The following ARL6IP5 variants were observed in gnomAD, a reference collection of about 807,000 sequenced individuals.
The protein encoded by ARL6IP5 is PRA1 family protein 3.
In ARL6IP5, 6 loss-of-function variants were observed where a neutral mutation model predicts 13.0. The ratio of observed to expected loss-of-function variants is 0.46; its 90% confidence interval spans 0.25 to 0.91. The LOEUF (loss-of-function observed/expected upper bound fraction) is 0.91, where lower values mean the gene tolerates loss of function less well. Among genes scored for constraint, ARL6IP5 ranks in the 40% least tolerant of loss-of-function variants. The pLI is 0.17. For missense variants in ARL6IP5, 208 were observed against 248.8 expected, an observed-to-expected ratio of 0.84 and a Z score of 1.10; for synonymous variants, 91 against 91.9, an observed-to-expected ratio of 0.99 and a Z score of 0.06.
At chr3:69,086,414 TCA>T (rs1196304328) in intron 1 of ARL6IP5, among the ~76,000 whole-genome samples, 3 of 152,206 alleles carry the variant, frequency 2.0e-5, no homozygotes, top group Non-Finnish European at 2.9e-5. Flanking sequence ...GGGGGAGACT[TCA>T]CAGTTTCCGA....
Position 69,104,715 on chromosome 3 carries a change from T to A in ARL6IP5, c.*79T>A. 2.0e-6 allele frequency: 3 copies of A among 1,506,818 alleles called. No homozygotes were observed. Among genetic ancestry groups the A allele is most frequent in the Non-Finnish European group, 2.7e-6 (3 of 1,098,788 alleles). 93.3% of individuals were successfully genotyped at this position (1,506,818 alleles called of 1,614,324 possible). On this transcript the variant is annotated 3_prime_UTR_variant, in exon 3 of 3. Coordinates refer to ENST00000273258, the MANE Select transcript of ARL6IP5 (RefSeq NM_006407.4). ...TGTCCAGACCTATGTTCTGCTTGCGTTTTTGAAACAGGAGGTGCACGTACC... is the reference window on the plus strand; with the variant it reads ...TGTCCAGACCTATGTTCTGCTTGCGATTTTGAAACAGGAGGTGCACGTACC...
At chr3:69,090,059 T>C (rs2092260277) in intron 1 of ARL6IP5, 2 of 275,836 alleles carry the variant, frequency 7.3e-6, no homozygotes, top group East Asian at 1.9e-4. Context: ...TAATATGTTC[T>C]AGGCCTGTGG....
intron 1 of ARL6IP5, among the ~76,000 whole-genome samples, chr3:69,100,405 A>G (rs1414063341): frequency 2.6e-5 from 4 of 152,186 alleles, no homozygotes; most frequent in Admixed American, 6.5e-5. Flanking sequence ...TGAACTCTCT[A>G]TGTGAGGAGT....
At position 69,104,520 on chromosome 3, in the gene ARL6IP5, A is replaced by G; in HGVS notation, c.451A>G (p.Lys151Glu). 2.5e-6 allele frequency: 4 copies of G among 1,614,096 alleles called. No individual in the cohort carries two copies. Among genetic ancestry groups the G allele is most frequent in the Non-Finnish European group, 8.5e-7 (1 of 1,179,958 alleles). The change falls in exon 3 of 3, where the codon AAA becomes GAA. Residue 151 changes from lysine to glutamate, a missense_variant. By Grantham distance (56) the Lys-to-Glu change is moderately conservative (BLOSUM62 1). Coordinates refer to ENST00000273258, the MANE Select transcript of ARL6IP5 (RefSeq NM_006407.4). ...LRNLKNKLEN[K>E]MEGIGLKRTP... ...GAACCTCAAGAACAAACTGGAGAAT[A>G]AAATGGAAGGAATAGGTTTGAAGAG...
At chr3:69,088,098 G>T (rs2107510187) in intron 1 of ARL6IP5, among the ~76,000 whole-genome samples, 1 of 152,226 alleles carries the variant, frequency 6.6e-6, no homozygotes, top group Admixed American at 6.5e-5. Flanking sequence ...GAGGTTAAAT[G>T]ATTTACTCAA....
At chr3:69,089,448 C>T (rs771602451) in intron 1 of ARL6IP5, among the ~76,000 whole-genome samples, 2 of 152,022 alleles carry the variant, frequency 1.3e-5, no homozygotes, top group Non-Finnish European at 2.9e-5. Context: ...TCTTGATTAA[C>T]CAAATTCAAC....
chr3:69,089,758 A>G, intron 1 of ARL6IP5: 1 of 455,682 alleles, frequency 2.2e-6, no homozygotes, highest in Non-Finnish European at 4.4e-6. Flanking sequence ...CTGCTTCTCC[A>G]GCAAGAGAGC....
At position 69,104,699 on chromosome 3, in the gene ARL6IP5, C is replaced by G. The variant is rs1425163661; in HGVS notation, c.*63C>G. The G allele has an allele frequency of 2.5e-6, 4 of 1,573,002 alleles. No homozygotes were observed. Among genetic ancestry groups the G allele is most frequent in the Admixed American group, 1.8e-5 (1 of 56,572 alleles). ...AGTTGCAGCTTGCCCTTGTCCAGAC[C>G]TATGTTCTGCTTGCGTTTTTGAAAC... On this transcript the variant is annotated 3_prime_UTR_variant, in exon 3 of 3. Coordinates refer to ENST00000273258, the MANE Select transcript of ARL6IP5 (RefSeq NM_006407.4).
At position 69,104,522 on chromosome 3, in the gene ARL6IP5, A is replaced by G; in HGVS notation, c.453A>G (p.Lys151=). 6.2e-7 allele frequency: 1 copy of G among 1,614,086 alleles called. No individual in the cohort carries two copies. Among genetic ancestry groups the G allele is most frequent in the Non-Finnish European group, 8.5e-7 (1 of 1,179,954 alleles). Residue 151 remains lysine (K), a synonymous_variant, in exon 3 of 3, where the codon AAA becomes AAG. Coordinates refer to ENST00000273258, the MANE Select transcript of ARL6IP5 (RefSeq NM_006407.4). ...ACCTCAAGAACAAACTGGAGAATAA[A>G]ATGGAAGGAATAGGTTTGAAGAGGA... ...LRNLKNKLEN[K]MEGIGLKRTP... is the part of the protein sequence containing the mutation.
At chr3:69,103,752 G>A (rs1011963394) in intron 2 of ARL6IP5, among the ~76,000 whole-genome samples, 2 of 152,150 alleles carry the variant, frequency 1.3e-5, no homozygotes, top group Admixed American at 6.5e-5. Context: ...GGCTCTCCAG[G>A]TGATTTGAAT....
chr3:69,095,441 C>T (rs900907894), intron 1 of ARL6IP5, among the ~76,000 whole-genome samples: 6 of 150,780 alleles, frequency 4.0e-5, no homozygotes, highest in African/African-American at 1.2e-4. Flanking sequence ...AAAAACATAA[C>T]GGTTTTTGAG....
rs750884164 is a variant in ARL6IP5 at position 69,101,959 on chromosome 3, G to A, written c.297G>A (p.Thr99=). Residue 99 remains threonine, a synonymous_variant, in exon 2 of 3, where the codon ACG becomes ACA. Transcript: ENST00000273258. Reference sequence around the variant, plus strand: ...GCCGGATGAAGAAGCGCTACCCCACGACGTTCGTTATGGTGGTCATGTTGG... The same window carrying A: ...GCCGGATGAAGAAGCGCTACCCCACAACGTTCGTTATGGTGGTCATGTTGG... The part of the protein sequence containing the change: ...VLRRMKKRYP[T]TFVMVVMLAS... 2.8e-5 allele frequency: 45 copies of A among 1,613,930 alleles called. No individual in the cohort carries two copies. The highest frequency in any genetic ancestry group is 1.6e-4 in the Middle Eastern group (1 of 6,084).
Position 69,104,952 on chromosome 3 carries a change from A to G in ARL6IP5, c.*316A>G, listed in dbSNP as rs756962806. On this transcript the variant is annotated 3_prime_UTR_variant, in exon 3 of 3. Transcript: ENST00000273258. ...AAAGAATTACGGCTTTTACAGCAACAATACGATTATCTTATAGGAAAAAAA... is the reference window on the plus strand; with the variant it reads ...AAAGAATTACGGCTTTTACAGCAACGATACGATTATCTTATAGGAAAAAAA... 73 of 686,950 alleles carry G rather than the reference A, an allele frequency of 1.1e-4. 1 individual carries two copies. The South Asian group carries it at 1.1e-3, about 11-fold the overall frequency. 42.6% of individuals were successfully genotyped at this position (686,950 alleles called of 1,614,324 possible). A position where few individuals can be genotyped will look rare whatever the true frequency, so the allele number is the denominator to read the frequency against.
chr3:69,088,830 A>G (rs1232868012), intron 1 of ARL6IP5, among the ~76,000 whole-genome samples: 1 of 152,262 alleles, frequency 6.6e-6, no homozygotes, highest in African/African-American at 2.4e-5. Context: ...CACACACAAC[A>G]ATAGAAGTCT....
chr3:69,102,098 T>G (rs1358898697), intron 2 of ARL6IP5, 42 bp downstream of exon 2: 1 of 1,576,762 alleles, frequency 6.3e-7, no homozygotes. Flanking sequence ...CAAAAAAATG[T>G]AGAAGCAATT....
chr3:69,096,597 CTTTTTTTT>C (rs11291168), intron 1 of ARL6IP5, among the ~76,000 whole-genome samples: 7 of 69,556 alleles, frequency 1.0e-4, no homozygotes, highest in Non-Finnish European at 1.5e-4. Flanking sequence ...TTTTGCTTTG[CTTTTTTTT>C]TTTTTTTTTT....
At chr3:69,094,702 C>A (rs1001286305) in intron 1 of ARL6IP5, among the ~76,000 whole-genome samples, 1 of 152,202 alleles carries the variant, frequency 6.6e-6, no homozygotes, top group African/African-American at 2.4e-5. Context: ...GCCTTGCAGC[C>A]TGACAGGAGT....
rs111526385 is a variant in ARL6IP5 at position 69,091,731 on chromosome 3, G to C, written c.176+6508G>C. Among the ~76,000 whole-genome samples the C allele has an allele frequency of 5.7e-4, 83 of 146,418 alleles. 1 individual carries two copies. The highest frequency in any genetic ancestry group is 3.6e-3 in the Middle Eastern group (1 of 278). On this transcript the variant is annotated intron_variant, in intron 1 of 2. Coordinates refer to ENST00000273258, the MANE Select transcript of ARL6IP5 (RefSeq NM_006407.4). ...GGTAGTTTCTGTTTCCTTTCCCTAG[G>C]TAAGGATTTACAATGATTCTAGGTA...
chr3:69,100,438 G>A (rs1307918961), intron 1 of ARL6IP5, among the ~76,000 whole-genome samples: 1 of 152,058 alleles, frequency 6.6e-6, no homozygotes, highest in East Asian at 1.9e-4. Context: ...TGCCTCCATG[G>A]GGCAGGCAGG....
Sources: gnomAD v4.1 joint callset for allele counts (sites outside exome capture counted in the v4.1 genomes callset) on GRCh38, gnomAD v4.1.1 for gene constraint, MANE v1.5 for transcripts, NCBI Gene and HGNC (gene_info 2026-07-23, HGNC 2026-07-21) for gene names.